KCNJ6: variants seen among roughly 807,000 people sequenced by gnomAD.
KCNJ6 encodes the protein potassium inwardly rectifying channel subfamily J member 6.
KCNJ6 carries 9 observed loss-of-function variants against 34.2 expected under a neutral mutation model. The observed-to-expected ratio is 0.26, with a 90% confidence interval of 0.16 to 0.46. The LOEUF (loss-of-function observed/expected upper bound fraction) is 0.46. KCNJ6 is among the 20% of genes least tolerant of loss of function. The pLI, the probability that KCNJ6 is intolerant of heterozygous loss-of-function variation, is 1.00. For missense variants in KCNJ6, 236 were observed against 531.3 expected (o/e 0.44, Z 5.46); for synonymous variants, 196 against 207.1 (o/e 0.95, Z 0.46).
At chr21:37,641,939 T>C (rs1260483597) in intron 3 of KCNJ6, among the ~76,000 whole-genome samples, 1 of 152,208 alleles carries the variant, frequency 6.6e-6, no homozygotes, top group Non-Finnish European at 1.5e-5. Flanking sequence ...AACGAATTAT[T>C]CATGAGGGCC....
intron 1 of KCNJ6, among the ~76,000 whole-genome samples, chr21:37,858,675 T>C (rs893607404): frequency 1.3e-5 from 2 of 152,130 alleles, no homozygotes; most frequent in African/African-American, 4.8e-5. Flanking sequence ...TAAAGTGAGA[T>C]ACTACAGTTT....
At chr21:37,628,162 A>G (rs1569432655) in intron 3 of KCNJ6, among the ~76,000 whole-genome samples, 1 of 152,238 alleles carries the variant, frequency 6.6e-6, no homozygotes, top group African/African-American at 2.4e-5. Context: ...TGTCCCATAC[A>G]CAGGAAGGCA....
intron 2 of KCNJ6, among the ~76,000 whole-genome samples, chr21:37,807,640 C>A (rs1361345248): frequency 6.6e-6 from 1 of 152,210 alleles, no homozygotes; most frequent in East Asian, 1.9e-4. Context: ...GGCTTGTGGC[C>A]TAGGAGCAAC....
At chr21:37,727,654 G>A (rs1168400110) in intron 2 of KCNJ6, among the ~76,000 whole-genome samples, 1 of 152,134 alleles carries the variant, frequency 6.6e-6, no homozygotes, top group Non-Finnish European at 1.5e-5. Context: ...TAGAAGTCAA[G>A]ACAAAATGCT....
intron 3 of KCNJ6, among the ~76,000 whole-genome samples, chr21:37,703,567 T>A (rs2054702963): frequency 6.6e-6 from 1 of 152,140 alleles, no homozygotes; most frequent in Middle Eastern, 3.2e-3. Flanking sequence ...TCATATTACA[T>A]CTGTGGATTT....
intron 3 of KCNJ6, among the ~76,000 whole-genome samples, chr21:37,661,752 A>G (rs1221674884): frequency 1.3e-5 from 2 of 149,698 alleles, no homozygotes; most frequent in African/African-American, 4.9e-5. Flanking sequence ...CCTCTTGAGT[A>G]GCTGGGTCTA....
chr21:37,908,169 A>C (rs918919241), intron 1 of KCNJ6, among the ~76,000 whole-genome samples: 3 of 152,218 alleles, frequency 2.0e-5, no homozygotes, highest in African/African-American at 7.2e-5. Context: ...GAGAACCGGA[A>C]GTATTATGGA....
chr21:37,662,273 G>A (rs2054493055), intron 3 of KCNJ6, among the ~76,000 whole-genome samples: 1 of 151,998 alleles, frequency 6.6e-6, no homozygotes, highest in Non-Finnish European at 1.5e-5. Context: ...TCCCTGACAG[G>A]CCTGAGTGTG....
intron 2 of KCNJ6, among the ~76,000 whole-genome samples, chr21:37,769,858 T>C (rs770536448): frequency 6.6e-6 from 1 of 152,198 alleles, no homozygotes; most frequent in Non-Finnish European, 1.5e-5. Context: ...AGCCCTTTTG[T>C]TCTTGCCCTT....
chr21:37,634,288 C>T (rs747973989), intron 3 of KCNJ6, among the ~76,000 whole-genome samples: 16 of 145,984 alleles, frequency 1.1e-4, no homozygotes, highest in Non-Finnish European at 2.3e-4. Context: ...AAGAGCCTGG[C>T]ACCTCCATCC....
chr21:37,890,421 A>T (rs2055756652), intron 1 of KCNJ6, among the ~76,000 whole-genome samples: 1 of 152,202 alleles, frequency 6.6e-6, no homozygotes, highest in African/African-American at 2.4e-5. Context: ...ACACAGCCAA[A>T]TCACATCAAC....
At chr21:37,766,606 A>G (rs2055092499) in intron 2 of KCNJ6, among the ~76,000 whole-genome samples, 1 of 152,188 alleles carries the variant, frequency 6.6e-6, no homozygotes, top group Admixed American at 6.5e-5. Flanking sequence ...GGGCAGTGGA[A>G]GCACATGGTG....
chr21:37,832,897 G>A (rs1224518785), intron 2 of KCNJ6, among the ~76,000 whole-genome samples: 1 of 152,198 alleles, frequency 6.6e-6, no homozygotes, highest in African/African-American at 2.4e-5. Flanking sequence ...CAGGTAGGCT[G>A]TCGTTCCAAT....
intron 2 of KCNJ6, among the ~76,000 whole-genome samples, chr21:37,754,874 C>T (rs185474129): frequency 2.4e-4 from 36 of 152,260 alleles, no homozygotes; most frequent in African/African-American, 7.7e-4. Flanking sequence ...CTTGAGGCAC[C>T]GTCTCAGAGC....
intron 2 of KCNJ6, among the ~76,000 whole-genome samples, chr21:37,736,573 T>C (rs1219457212): frequency 6.6e-6 from 1 of 152,206 alleles, no homozygotes; most frequent in Non-Finnish European, 1.5e-5. Context: ...TGTGTCTTCA[T>C]CTGCCTAAGC....
chr21:37,739,722 T>C (rs1228646648), intron 2 of KCNJ6, among the ~76,000 whole-genome samples: 1 of 152,044 alleles, frequency 6.6e-6, no homozygotes, highest in African/African-American at 2.4e-5. Flanking sequence ...AAGCTTGACA[T>C]TGACAGTATC....
intron 1 of KCNJ6, among the ~76,000 whole-genome samples, chr21:37,908,908 G>A (rs1441967166): frequency 3.3e-5 from 5 of 152,180 alleles, no homozygotes; most frequent in Admixed American, 3.3e-4. Context: ...ACTCCAGTGT[G>A]TTCACCCTAC....
chr21:37,751,669 C>G (rs958474894), intron 2 of KCNJ6, among the ~76,000 whole-genome samples: 2 of 152,182 alleles, frequency 1.3e-5, no homozygotes, highest in Non-Finnish European at 2.9e-5. Flanking sequence ...GGGTCCTGAC[C>G]AAAAGTGATC....
intron 2 of KCNJ6, among the ~76,000 whole-genome samples, chr21:37,813,535 G>T (rs1012047876): frequency 6.6e-6 from 1 of 152,078 alleles, no homozygotes; most frequent in Non-Finnish European, 1.5e-5. Flanking sequence ...AAAACAACAG[G>T]GTACTGGCAT....
Sources: gnomAD v4.1 joint callset for allele counts (sites outside exome capture counted in the v4.1 genomes callset) on GRCh38, gnomAD v4.1.1 for gene constraint, MANE v1.5 for transcripts, NCBI Gene and HGNC (gene_info 2026-07-23, HGNC 2026-07-21) for gene names.